Variants in PCDHGA1 observed in about 807,000 individuals in gnomAD.
PCDHGA1 encodes the protein protocadherin gamma subfamily A, 1.
A neutral mutation model predicts 58.0 loss-of-function variants in PCDHGA1; 32 were observed. The ratio of observed to expected loss-of-function variants is 0.55; its 90% CI spans 0.42 to 0.74. The LOEUF (loss-of-function observed/expected upper bound fraction) is 0.74, where lower values mean the gene tolerates loss of function less well. Among genes scored for constraint, PCDHGA1 ranks in the 30% least tolerant of loss-of-function variants. The probability of loss-of-function intolerance (pLI) is 0.00; values close to 1 mark genes in which losing one functional copy is unlikely to be tolerated. For missense variants in PCDHGA1, 1,205 were observed against 1,182.3 expected, an observed-to-expected ratio of 1.02 and a Z score of -0.28; for synonymous variants, 498 against 501.1, an observed-to-expected ratio of 0.99 and a Z score of 0.08.
chr5:141,331,887 T>C lies in PCDHGA1; in HGVS notation c.1203T>C (p.Tyr401=). 6.2e-7 allele frequency: 1 copy of C among 1,614,180 alleles called. No individual in the cohort carries two copies. The highest frequency in any genetic ancestry group is 8.5e-7 in the Non-Finnish European group (1 of 1,180,034). The change falls in exon 1 of 4, where the codon TAT becomes TAC. Residue 401 remains tyrosine (Y), a synonymous_variant. Coordinates refer to ENST00000517417, the MANE Select transcript of PCDHGA1 (RefSeq NM_018912.3). ...PFKLEKLVDN[Y]YRLVTERTLD... ...AATTGGAAAAGTTAGTTGATAATTA[T>C]TACCGTTTAGTGACTGAAAGAACAC...
At chr5:141,464,982 T>A (rs914697541) in intron 1 of PCDHGA1, among the ~76,000 whole-genome samples, 1 of 152,030 alleles carries the variant, frequency 6.6e-6, no homozygotes, top group Non-Finnish European at 1.5e-5. Context: ...CTTCAAGTGA[T>A]CCTCCCACCT....
intron 1 of PCDHGA1, chr5:141,407,965 G>A (rs2095011875): frequency 4.4e-6 from 3 of 688,096 alleles, no homozygotes; most frequent in Non-Finnish European, 6.9e-6. Flanking sequence ...CAGAGCAAGC[G>A]CTGACGCCGG....
chr5:141,450,569 T>G (rs1325535745), intron 1 of PCDHGA1, among the ~76,000 whole-genome samples: 1 of 149,800 alleles, frequency 6.7e-6, no homozygotes, highest in African/African-American at 2.5e-5. Flanking sequence ...TCACTGCAAC[T>G]TCTGCCTCCC....
At chr5:141,361,325 C>T (rs1388509991) in intron 1 of PCDHGA1, 9 of 1,613,940 alleles carry the variant, frequency 5.6e-6, no homozygotes, top group Non-Finnish European at 7.6e-6. Flanking sequence ...TTGAAATCTT[C>T]CTCAAAGAAC....
chr5:141,495,205 C>T (rs977479495), intron 2 of PCDHGA1, among the ~76,000 whole-genome samples: 1 of 152,212 alleles, frequency 6.6e-6, no homozygotes, highest in African/African-American at 2.4e-5. Flanking sequence ...TACTGCCTAA[C>T]CCCCTCCCCT....
chr5:141,417,028 GTTT>G, intron 1 of PCDHGA1: 2 of 150,056 alleles, frequency 1.3e-5, no homozygotes, highest in East Asian at 3.9e-4. Flanking sequence ...AAAAATACAG[GTTT>G]TTTTTTTAAA....
At chr5:141,430,743 T>C in intron 1 of PCDHGA1, 1 of 1,498,372 alleles carries the variant, frequency 6.7e-7, no homozygotes, top group Non-Finnish European at 8.9e-7. Flanking sequence ...TGAAAATAAT[T>C]CTGGAGGAAG....
In PCDHGA1 at chr5:141,432,877, C is replaced by T. The variant is rs375043811; in HGVS notation, c.2422-61930C>T. 108 of 1,614,082 alleles carry T rather than the reference C, an allele frequency of 6.7e-5. No homozygotes were observed. Among genetic ancestry groups the T allele is most frequent in the Non-Finnish European group, 7.6e-5 (90 of 1,180,018 alleles). On this transcript the variant is annotated intron_variant, in intron 1 of 3. Coordinates refer to ENST00000517417, the MANE Select transcript of PCDHGA1 (RefSeq NM_018912.3). The surrounding 1 kb of genome is among the most constrained non-coding windows in gnomAD (Gnocchi z 6.0). Reference sequence around the variant, plus strand: ...CCGCGGTCTCCTGCGTCTTCCTGGCCTTCGTCATCTTGCTGCTGGCGCTCA... The same window carrying T: ...CCGCGGTCTCCTGCGTCTTCCTGGCTTTCGTCATCTTGCTGCTGGCGCTCA...
chr5:141,431,424 G>T lies in PCDHGA1; in HGVS notation c.2422-63383G>T, dbSNP rs747132868. 6.8e-6 allele frequency: 11 copies of T among 1,613,676 alleles called. No homozygotes were observed. The highest frequency in any genetic ancestry group is 5.9e-6 in the Non-Finnish European group (7 of 1,180,028). On this transcript the variant is annotated intron_variant, in intron 1 of 3. Coordinates refer to ENST00000517417, the MANE Select transcript of PCDHGA1 (RefSeq NM_018912.3). The surrounding 1 kb of genome is among the most constrained non-coding windows in gnomAD (Gnocchi z 4.8). ...GCCTCCGACGGGGGCGACCCGGTGC[G>T]CACAGGCACCGCGCGCATCCGCGTG...
rs562030939 is a variant in PCDHGA1 at position 141,365,175 on chromosome 5, G to T, written c.2421+32070G>T. ...AACGGGAAATTGACCTACTCTTTTC[G>T]CAATGAAGAAGAAAAAATTTCGGAG... On this transcript the variant is annotated intron_variant, in intron 1 of 3. Transcript: ENST00000517417. 7 of 1,613,832 alleles carry T rather than the reference G, an allele frequency of 4.3e-6. No homozygotes were observed. In the African/African-American group the frequency reaches 5.3e-5, roughly 12 times the overall value.
In PCDHGA1 at chr5:141,493,985, C is replaced by A. The variant is rs1444608753; in HGVS notation, c.2422-822C>A. On this transcript the variant is annotated intron_variant, in intron 1 of 3. Coordinates refer to ENST00000517417, the MANE Select transcript of PCDHGA1 (RefSeq NM_018912.3). This position sits in a 1 kb window ranked among gnomAD's most constrained non-coding sequence, Gnocchi z 4.3. ...GCTGGCCAGAGCCCCACACCTTCAGCTAGGTGGGAGATGGCTACACATCAG... is the reference window on the plus strand; with the variant it reads ...GCTGGCCAGAGCCCCACACCTTCAGATAGGTGGGAGATGGCTACACATCAG... Among the ~76,000 whole-genome samples the A allele has an allele frequency of 6.6e-6, 1 of 152,196 alleles. No individual in the cohort carries two copies. The highest frequency in any genetic ancestry group is 1.5e-5 in the Non-Finnish European group (1 of 68,032).
At position 141,399,929 on chromosome 5, in the gene PCDHGA1, C is replaced by T. The variant is rs746168026; in HGVS notation, c.2421+66824C>T. 15 of 1,612,262 alleles carry T rather than the reference C, an allele frequency of 9.3e-6. No homozygotes were observed. The African/African-American group carries it at 1.1e-4, about 11-fold the overall frequency. On this transcript the variant is annotated intron_variant, in intron 1 of 3. Coordinates refer to ENST00000517417, the MANE Select transcript of PCDHGA1 (RefSeq NM_018912.3). ...GACTCAGGACACAACGCCTGGCTGT[C>T]CTACCACGTGCTGCAGGCTAGCGAG...
intron 2 of PCDHGA1, among the ~76,000 whole-genome samples, chr5:141,501,838 G>A (rs888418141): frequency 6.6e-6 from 1 of 152,000 alleles, no homozygotes; most frequent in African/African-American, 2.4e-5. Flanking sequence ...CACCTGTTTG[G>A]CCCTCAACCT....
chr5:141,488,196 TA>T, intron 1 of PCDHGA1, among the ~76,000 whole-genome samples: 1 of 152,186 alleles, frequency 6.6e-6, no homozygotes, highest in Non-Finnish European at 1.5e-5. Context: ...GTCTGGGTCT[TA>T]GGACTCATAT....
rs76218301 is a variant in PCDHGA1 at position 141,380,317 on chromosome 5, A to G, written c.2421+47212A>G. On this transcript the variant is annotated intron_variant, in intron 1 of 3. Transcript: ENST00000517417. ...CCTATATCTTTGCTTGAGAATGAAA[A>G]TCTAAATGGAACTTCAAAGAACTGT... is the stretch of plus-strand genomic sequence containing the variant. Among the ~76,000 whole-genome samples the G allele has an allele frequency of 1.7e-4, 26 of 152,324 alleles. No individual in the cohort carries two copies. The East Asian group carries it at 5.0e-3, about 29-fold the overall frequency.
At position 141,341,956 on chromosome 5, in the gene PCDHGA1, A is replaced by T. The variant is rs549064476; in HGVS notation, c.2421+8851A>T. 6.4e-5 allele frequency: 10 copies of T among 157,384 alleles called. No individual in the cohort carries two copies. The South Asian group carries it at 1.8e-3, about 29-fold the overall frequency. 9.7% of individuals were successfully genotyped at this position (157,384 alleles called of 1,614,324 possible). Reference sequence around the variant, plus strand: ...TAAAAATATGGAAATTTAGAAATATACATTCCTTACAGTGTTTCAGGAAGG... The same window carrying T: ...TAAAAATATGGAAATTTAGAAATATTCATTCCTTACAGTGTTTCAGGAAGG... On this transcript the variant is annotated intron_variant, in intron 1 of 3. Transcript: ENST00000517417.
chr5:141,404,210 A>G (rs927879028), intron 1 of PCDHGA1: 11 of 1,613,840 alleles, frequency 6.8e-6, no homozygotes, highest in Non-Finnish European at 9.3e-6. Context: ...AGAATATAAT[A>G]TCACGGTGAC....
At chr5:141,393,619 C>G (rs768350628) in intron 1 of PCDHGA1, 2 of 1,613,826 alleles carry the variant, frequency 1.2e-6, no homozygotes, top group Non-Finnish European at 1.7e-6. Flanking sequence ...GCCAGCGACC[C>G]GGATGAGGGA....
intron 1 of PCDHGA1, chr5:141,385,224 T>C (rs751833387): frequency 1.2e-6 from 2 of 1,614,206 alleles, no homozygotes; most frequent in Non-Finnish European, 1.7e-6. Context: ...AGCCCAACTA[T>C]GTAGACATGC....
Sources: allele counts gnomAD v4.1 joint callset (sites outside exome capture counted in the v4.1 genomes callset), GRCh38; gene constraint gnomAD v4.1.1; non-coding constraint Gnocchi (gnomAD v3.1); transcripts MANE v1.5; gene names NCBI Gene and HGNC (gene_info 2026-07-23, HGNC 2026-07-21).